The following LGALS16 variants were observed in gnomAD, a reference collection of about 807,000 sequenced individuals.
The protein encoded by LGALS16 is galectin 16.
A neutral mutation model predicts 13.2 loss-of-function variants in LGALS16; 15 were observed. That is an observed-to-expected ratio of 1.13 (90% CI 0.76 to 1.75). The LOEUF (loss-of-function observed/expected upper bound fraction) is 1.75, where lower values mean the gene tolerates loss of function less well. Among genes scored for constraint, LGALS16 ranks in the 40% most tolerant of loss-of-function variants. The pLI, the probability that LGALS16 is intolerant of heterozygous loss-of-function variation, is 0.00. For synonymous variants in LGALS16, 66 were observed against 65.4 expected (o/e 1.01, Z -0.05); for missense variants, 198 against 178.4 (o/e 1.11, Z -0.63).
intron 3 of LGALS16, among the ~76,000 whole-genome samples, chr19:39,659,739 ACTCT>A (rs1345360528): frequency 1.3e-5 from 2 of 152,168 alleles, no homozygotes. Flanking sequence ...TAATAAGGTG[ACTCT>A]CTATACAGCC....
Position 39,660,422 on chromosome 19 carries a change from G to A in LGALS16, c.331G>A (p.Ala111Thr), listed in dbSNP as rs747114352. ...EVKVNGEYIY[A>T]FVHRIPPSYV... Reference sequence around the variant, plus strand: ...AAAGGTAAATGGTGAATACATTTATGCCTTTGTCCATCGAATCCCGCCATC... The same window carrying A: ...AAAGGTAAATGGTGAATACATTTATACCTTTGTCCATCGAATCCCGCCATC... The change falls in exon 4 of 4, where the codon GCC (alanine) becomes ACC (threonine). Residue 111 changes from alanine to threonine, a missense_variant. Transcript: ENST00000392051. 144 of 1,540,578 alleles carry A rather than the reference G, an allele frequency of 9.3e-5. No homozygotes were observed. Among genetic ancestry groups the A allele is most frequent in the Non-Finnish European group, 1.1e-4 (131 of 1,147,514 alleles).
Position 39,658,588 on chromosome 19 carries a change from TGGA to T in LGALS16, c.226_228del (p.Glu76del). On this transcript the variant is annotated inframe_deletion, in exon 3 of 4. Coordinates refer to ENST00000392051, the MANE Select transcript of LGALS16 (RefSeq NM_001190441.3). Reference sequence around the variant, plus strand: ...AGTCGTGAGTTTGGGATATGGATGTTGGAGGAGAATTTACACTATGTGCCCTTT... The same window carrying T: ...AGTCGTGAGTTTGGGATATGGATGTTGGAGAATTTACACTATGTGCCCTTT... 1 of 1,608,050 alleles carries T rather than the reference TGGA, an allele frequency of 6.2e-7. No individual in the cohort carries two copies. The highest frequency in any genetic ancestry group is 1.1e-5 in the South Asian group (1 of 90,734).
At chr19:39,656,119 G>A (rs1242627424) in intron 1 of LGALS16, 143 bp downstream of exon 1, 2 of 768,704 alleles carry the variant, frequency 2.6e-6, no homozygotes, top group Non-Finnish European at 2.1e-6. Flanking sequence ...GAGAAACACT[G>A]AGGCTGGGTA....
Position 39,660,246 on chromosome 19 carries a change from C to T in LGALS16, c.304-149C>T, listed in dbSNP as rs77574137. 1,522 of 708,324 alleles carry T rather than the reference C, an allele frequency of 2.1e-3. 21 individuals are homozygous for T. In the African/African-American group the frequency reaches 0.024, roughly 11 times the overall value. The allele number at this position is 708,324 out of a possible 1,614,324, so 43.9% of individuals were successfully genotyped here. On this transcript the variant is annotated intron_variant, in intron 3 of 3. Transcript: ENST00000392051. ...ACTGTCTCAAATAGGCACAAAATGTCATCTGTAAACAGAAGTGTATCTACA... is the reference window on the plus strand; with the variant it reads ...ACTGTCTCAAATAGGCACAAAATGTTATCTGTAAACAGAAGTGTATCTACA...
In LGALS16 at chr19:39,657,917, G is replaced by T. The variant is rs1231342886; in HGVS notation, c.50G>T (p.Gly17Val). Residue 17 changes from glycine to valine, a missense_variant, in exon 2 of 4, where the codon GGT becomes GTT. Transcript: ENST00000392051. ...PYKLPVSLSV[G>V]SCVIIKGTLI... ...AAACTGCCTGTGTCTTTGTCTGTTG[G>T]TTCCTGCGTGATAATCAAAGGGACA... The T allele has an allele frequency of 3.1e-6, 5 of 1,614,004 alleles. No individual in the cohort carries two copies. The highest frequency in any genetic ancestry group is 3.4e-6 in the Non-Finnish European group (4 of 1,180,006).
In LGALS16 at chr19:39,660,442, G is replaced by A. The variant is rs749804167; in HGVS notation, c.351G>A (p.Pro117=). ...TTTATGCCTTTGTCCATCGAATCCC[G>A]CCATCATATGTGAAGATGATTCAAG... is the stretch of plus-strand genomic sequence containing the variant. ...EYIYAFVHRI[P]PSYVKMIQVW... is the part of the protein sequence containing the mutation. The change falls in exon 4 of 4, where the codon CCG becomes CCA. Residue 117 remains proline (P), a synonymous_variant. Coordinates refer to ENST00000392051, the MANE Select transcript of LGALS16 (RefSeq NM_001190441.3). The A allele has an allele frequency of 2.3e-5, 36 of 1,541,358 alleles. 1 individual carries two copies. The Admixed American group carries it at 4.7e-4, about 20-fold the overall frequency.
rs766483155 is a variant in LGALS16 at position 39,657,979 on chromosome 19, A to C, written c.92+20A>C. The stretch of plus-strand genomic sequence containing the variant: ...TTCTATGTGAGTACTCCATGGTCCA[A>C]TGGAGGGGGTGGAGGAGAAAGGAGA... On this transcript the variant is annotated intron_variant, in intron 2 of 3. Transcript: ENST00000392051. The C allele has an allele frequency of 6.2e-7, 1 of 1,612,556 alleles. No individual in the cohort carries two copies. Among genetic ancestry groups the C allele is most frequent in the Admixed American group, 1.7e-5 (1 of 60,010 alleles).
intron 3 of LGALS16, among the ~76,000 whole-genome samples, chr19:39,659,660 C>T (rs1007752123): frequency 1.5e-4 from 23 of 151,974 alleles, no homozygotes; most frequent in Non-Finnish European, 3.4e-4. Context: ...ACTTACATTG[C>T]GATATAATTA....
chr19:39,657,809 C>A, intron 1 of LGALS16, 74 bp from the exon 2 acceptor site: 1 of 1,519,752 alleles, frequency 6.6e-7, no homozygotes, highest in South Asian at 1.1e-5. Context: ...ACCTCCTGCA[C>A]CATGGGAATA....
rs561317858 is a variant in LGALS16, at chr19:39,660,359, G to A, written c.304-36G>A. 3.1e-5 allele frequency: 47 copies of A among 1,537,762 alleles called. No homozygotes were observed. In the African/African-American group the frequency reaches 5.3e-4, roughly 17 times the overall value. ...GAAGAGGCTGAAAACTTGTTGGGTGGCATACTGTCTTTCTGATGCATTTTT... is the reference window on the plus strand; with the variant it reads ...GAAGAGGCTGAAAACTTGTTGGGTGACATACTGTCTTTCTGATGCATTTTT... On this transcript the variant is annotated intron_variant, in intron 3 of 3. Coordinates refer to ENST00000392051, the MANE Select transcript of LGALS16 (RefSeq NM_001190441.3).
At chr19:39,659,325 C>A (rs1259805504) in intron 3 of LGALS16, among the ~76,000 whole-genome samples, 1 of 152,168 alleles carries the variant, frequency 6.6e-6, no homozygotes, top group Admixed American at 6.6e-5. Context: ...AAGTTATCAA[C>A]CCAATTCAGC....
In LGALS16 at chr19:39,658,491, A is replaced by G; in HGVS notation, c.124A>G (p.Thr42Ala). 1.2e-6 allele frequency: 2 copies of G among 1,603,864 alleles called. No individual in the cohort carries two copies. The highest frequency in any genetic ancestry group is 1.7e-6 in the Non-Finnish European group (2 of 1,177,284). ...NEPQLQVDFY[T>A]EMNEDSEIAF... is the part of the protein sequence containing the mutation. ...ACCACAGCTGCAGGTGGATTTCTACACTGAGATGAATGAGGACTCAGAAAT... is the reference window on the plus strand; with the variant it reads ...ACCACAGCTGCAGGTGGATTTCTACGCTGAGATGAATGAGGACTCAGAAAT... The change falls in exon 3 of 4, where the codon ACT becomes GCT. Residue 42 changes from threonine to alanine, a missense_variant. Transcript: ENST00000392051.
intron 1 of LGALS16, among the ~76,000 whole-genome samples, chr19:39,656,224 G>A (rs1973193036): frequency 6.6e-6 from 1 of 152,188 alleles, no homozygotes; most frequent in South Asian, 2.1e-4. Flanking sequence ...ACTCTGATGA[G>A]ATGATGTGAC....
chr19:39,657,907 T>C lies in LGALS16; in HGVS notation c.40T>C (p.Leu14=). ...GGTGCCATACAAACTGCCTGTGTCT[T>C]TGTCTGTTGGTTCCTGCGTGATAAT... ...LTVPYKLPVS[L]SVGSCVIIKG... is the part of the protein sequence containing the mutation. Residue 14 remains leucine (L), a synonymous_variant, in exon 2 of 4, where the codon TTG becomes CTG. Coordinates refer to ENST00000392051, the MANE Select transcript of LGALS16 (RefSeq NM_001190441.3). 2.5e-6 allele frequency: 4 copies of C among 1,614,016 alleles called. No individual in the cohort carries two copies. The highest frequency in any genetic ancestry group is 3.4e-6 in the Non-Finnish European group (4 of 1,179,996).
chr19:39,657,097 T>TA (rs1358280430), intron 1 of LGALS16, among the ~76,000 whole-genome samples: 1 of 152,038 alleles, frequency 6.6e-6, no homozygotes, highest in African/African-American at 2.4e-5. Flanking sequence ...ACCCTTTCTT[T>TA]AAAAAACTTT....
intron 1 of LGALS16, 115 bp from the exon 2 acceptor site, chr19:39,657,768 A>C: frequency 9.0e-7 from 1 of 1,116,926 alleles, no homozygotes; most frequent in Non-Finnish European, 1.3e-6. Context: ...GTGAATGGGG[A>C]GAGTCCACAG....
intron 3 of LGALS16, among the ~76,000 whole-genome samples, chr19:39,660,049 G>T (rs116730260): frequency 0.012 from 1,763 of 152,246 alleles, 40 homozygotes; most frequent in African/African-American, 0.039. Flanking sequence ...ACATGGTCTC[G>T]CACTAACCCT....
At chr19:39,658,764 C>A in intron 3 of LGALS16, 94 bp downstream of exon 3, 1 of 785,390 alleles carries the variant, frequency 1.3e-6, no homozygotes, top group Non-Finnish European at 2.1e-6. Flanking sequence ...TCCCTCAGGG[C>A]CCATCTCCCG....
intron 3 of LGALS16, among the ~76,000 whole-genome samples, 176 bp downstream of exon 3, chr19:39,658,846 A>T (rs1338396374): frequency 6.6e-6 from 1 of 151,960 alleles, no homozygotes; most frequent in Admixed American, 6.6e-5. Context: ...CTCTTTCCCA[A>T]ATCTGACCAA....
Sources: allele counts gnomAD v4.1 joint callset (sites outside exome capture counted in the v4.1 genomes callset), GRCh38; gene constraint gnomAD v4.1.1; transcripts MANE v1.5; gene names NCBI Gene and HGNC (gene_info 2026-07-23, HGNC 2026-07-21).